The following NIPA2 variants were observed in gnomAD, a reference collection of about 807,000 sequenced individuals.
NIPA2 encodes NIPA magnesium transporter 2.
Under a neutral mutation model 29.7 loss-of-function variants are expected in NIPA2, and 11 were observed. The observed-to-expected ratio is 0.37, with a 90% CI of 0.23 to 0.61. The LOEUF (loss-of-function observed/expected upper bound fraction) is 0.61, where lower values mean the gene tolerates loss of function less well. Among genes scored for constraint, NIPA2 ranks in the 20% least tolerant of loss-of-function variants. The pLI, the probability that NIPA2 is intolerant of heterozygous loss-of-function variation, is 0.66. For missense variants in NIPA2, 426 were observed against 437.9 expected (o/e 0.97, Z 0.24); for synonymous variants, 183 against 161.9 (o/e 1.13, Z -0.99).
chr15:22,866,242 A>C lies in NIPA2; in HGVS notation c.478A>C (p.Ile160Leu). The part of the protein sequence containing the change: ...GFVVFATLVV[I>L]VALILIFVVG... ...TGTGGTCTTTGCAACCCTTGTGGTC[A>C]TTGTGGCCTTGATATTAATCTTCGT... is the stretch of plus-strand genomic sequence containing the variant. Residue 160 changes from isoleucine (I) to leucine (L), a missense_variant, in exon 8 of 8, where the codon ATT (isoleucine) becomes CTT (leucine). Physicochemically the swap from Ile to Leu is conservative, Grantham distance 5. Coordinates refer to ENST00000337451, the MANE Select transcript of NIPA2 (RefSeq NM_030922.7). 2 of 1,613,798 alleles carry C rather than the reference A, an allele frequency of 1.2e-6. No homozygotes were observed. The highest frequency in any genetic ancestry group is 2.2e-5 in the South Asian group (2 of 91,078).
intron 2 of NIPA2, among the ~76,000 whole-genome samples, chr15:22,843,584 A>G (rs1897748312): frequency 6.6e-6 from 1 of 151,740 alleles, no homozygotes; most frequent in Admixed American, 6.6e-5. Flanking sequence ...GGCTTTGTTG[A>G]AATGTCAAAA....
chr15:22,848,951 A>G (rs1566831161), intron 3 of NIPA2, among the ~76,000 whole-genome samples: 1 of 152,052 alleles, frequency 6.6e-6, no homozygotes, highest in Admixed American at 6.6e-5. Flanking sequence ...GGCGAATATC[A>G]TGCAGGAGCC....
chr15:22,867,006 T>TAAAC lies in NIPA2; in HGVS notation c.*166_*169dup, dbSNP rs538797119. On this transcript the variant is annotated 3_prime_UTR_variant, in exon 8 of 8. Transcript: ENST00000337451. ...ACCAAGAAATTACTTTTCTTGTATT[T>TAAAC]AAACAAACAATGGTAGCTCACTAAA... The TAAAC allele has an allele frequency of 1.5e-3, 988 of 667,566 alleles. 10 individuals are homozygous for TAAAC. In the African/African-American group the frequency reaches 0.015, roughly 10 times the overall value. The allele number at this position is 667,566 out of a possible 1,614,324, so 41.4% of individuals were successfully genotyped here. A position where few individuals can be genotyped will look rare whatever the true frequency, so the allele number is the denominator to read the frequency against.
intron 2 of NIPA2, among the ~76,000 whole-genome samples, chr15:22,842,061 A>G (rs989531561): frequency 6.6e-6 from 1 of 152,144 alleles, no homozygotes; most frequent in East Asian, 1.9e-4. Context: ...ATTTTTTACC[A>G]TAACATTTGC....
In NIPA2 at chr15:22,866,372, T is replaced by A; in HGVS notation, c.608T>A (p.Ile203Asn). 6.2e-7 allele frequency: 1 copy of A among 1,614,124 alleles called. No homozygotes were observed. The highest frequency in any genetic ancestry group is 8.5e-7 in the Non-Finnish European group (1 of 1,179,986). ...VSCVKGLGIAIKELFAGKPVL... is the reference protein window; with the variant it reads ...VSCVKGLGIANKELFAGKPVL... ...TGTGTGAAGGGCCTGGGCATTGCTA[T>A]CAAGGAGCTGTTTGCAGGGAAGCCT... The change falls in exon 8 of 8, where the codon ATC becomes AAC. Residue 203 changes from isoleucine (I) to asparagine (N), a missense_variant. Ile to Asn is a moderately radical substitution (Grantham distance 149). Around this residue, in one of 3 missense-constraint regions of NIPA2, gnomAD observed 357 missense variants for 339.8 expected, o/e 1.05. Transcript: ENST00000337451.
intron 7 of NIPA2, among the ~76,000 whole-genome samples, chr15:22,865,347 G>T (rs111992701): frequency 2.6e-5 from 4 of 151,896 alleles, no homozygotes; most frequent in African/African-American, 9.7e-5. Flanking sequence ...TTAGCTGGGC[G>T]TGTTGGCGGG....
chr15:22,860,749 T>G lies in NIPA2; in HGVS notation c.408T>G (p.Ile136Met). 2 of 1,601,408 alleles carry G rather than the reference T, an allele frequency of 1.2e-6. No homozygotes were observed. The highest frequency in any genetic ancestry group is 1.7e-6 in the Non-Finnish European group (2 of 1,176,514). The part of the protein sequence containing the change: ...MVIHAPKEEE[I>M]ETLNEMSHKL... ...TTCATGCTCCAAAGGAAGAGGAGAT[T>G]GAGACTTTAAATGAAATGTCTCACA... Residue 136 changes from isoleucine to methionine, a missense_variant, in exon 7 of 8, where the codon ATT becomes ATG. Physicochemically the swap from Ile to Met is conservative, Grantham distance 10 (BLOSUM62 1). Coordinates refer to ENST00000337451, the MANE Select transcript of NIPA2 (RefSeq NM_030922.7).
At chr15:22,850,932 T>G (rs986785353) in intron 3 of NIPA2, among the ~76,000 whole-genome samples, 1 of 152,206 alleles carries the variant, frequency 6.6e-6, no homozygotes, top group African/African-American at 2.4e-5. Context: ...ATCCACACTG[T>G]GCTTTAGTTC....
intron 3 of NIPA2, among the ~76,000 whole-genome samples, chr15:22,846,818 A>AATTAATCATAATAAT (rs34966379): frequency 7.4e-6 from 1 of 135,854 alleles, no homozygotes; most frequent in Non-Finnish European, 1.6e-5. Context: ...CCTGTCTCCA[A>AATTAATCATAATAAT]AATAATAATA....
intron 5 of NIPA2, among the ~76,000 whole-genome samples, chr15:22,853,895 T>C (rs896714679): frequency 6.6e-6 from 1 of 152,122 alleles, no homozygotes; most frequent in Non-Finnish European, 1.5e-5. Flanking sequence ...GTGGCCCATC[T>C]CGGCTCACTG....
At chr15:22,860,810 G>A in intron 7 of NIPA2, 21 bp downstream of exon 7, 1 of 1,549,564 alleles carries the variant, frequency 6.5e-7, no homozygotes, top group African/African-American at 1.4e-5. Context: ...AGTCTTATTA[G>A]TCTTACTGTA....
chr15:22,841,052 C>T (rs1896963717), intron 2 of NIPA2, among the ~76,000 whole-genome samples: 1 of 151,894 alleles, frequency 6.6e-6, no homozygotes, highest in Non-Finnish European at 1.5e-5. Flanking sequence ...ATTTAGGTCA[C>T]AGGATACAAA....
chr15:22,865,899 T>C (rs1211163883), intron 7 of NIPA2, among the ~76,000 whole-genome samples: 2 of 152,176 alleles, frequency 1.3e-5, no homozygotes, highest in Non-Finnish European at 2.9e-5. Context: ...TTCTCCTCCC[T>C]AGTTTCTGTG....
chr15:22,843,251 TC>T (rs1897620089), intron 2 of NIPA2, among the ~76,000 whole-genome samples: 2 of 152,064 alleles, frequency 1.3e-5, no homozygotes, highest in South Asian at 4.1e-4. Context: ...ACGCCTGTAA[TC>T]CCAGCACTTT....
At chr15:22,855,034 A>G (rs1192622597) in intron 5 of NIPA2, among the ~76,000 whole-genome samples, 1 of 152,166 alleles carries the variant, frequency 6.6e-6, no homozygotes, top group Non-Finnish European at 1.5e-5. Flanking sequence ...AAAAAGAGGT[A>G]TGTATTTGAT....
rs573006505 is a variant in NIPA2 at position 22,858,537 on chromosome 15, A to C, written c.197-3A>C. 3.7e-6 allele frequency: 6 copies of C among 1,600,520 alleles called. No homozygotes were observed. In the East Asian group the frequency reaches 1.1e-4, roughly 30 times the overall value. ...AGTTTTTCTTTTGTTGTCTGTCTCTAAGTGGGAGCTGGTGAGGTGGCCAAC... is the reference window on the plus strand; with the variant it reads ...AGTTTTTCTTTTGTTGTCTGTCTCTCAGTGGGAGCTGGTGAGGTGGCCAAC... On this transcript the variant is annotated splice_polypyrimidine_tract_variant and splice_region_variant and intron_variant, in intron 5 of 7. Transcript: ENST00000337451.
intron 6 of NIPA2, among the ~76,000 whole-genome samples, chr15:22,860,148 A>G (rs187117535): frequency 1.1e-4 from 16 of 151,770 alleles, no homozygotes; most frequent in Admixed American, 3.9e-4. Flanking sequence ...CCTCCCGAGT[A>G]GCTGGGATTA....
chr15:22,845,987 G>C (rs1898518131), intron 3 of NIPA2, among the ~76,000 whole-genome samples: 1 of 152,104 alleles, frequency 6.6e-6, no homozygotes, highest in Admixed American at 6.5e-5. Context: ...ATGTTCATTG[G>C]CCTTAGGATT....
In NIPA2 at chr15:22,867,432, G is replaced by A; in HGVS notation, c.*585G>A. The A allele has an allele frequency of 5.5e-6, 2 of 366,412 alleles. No homozygotes were observed. The highest frequency in any genetic ancestry group is 4.6e-5 in the Admixed American group (1 of 21,778). The allele number at this position is 366,412 out of a possible 1,614,324, so 22.7% of individuals were successfully genotyped here. A position where few individuals can be genotyped will look rare whatever the true frequency, so the allele number is the denominator to read the frequency against. On this transcript the variant is annotated 3_prime_UTR_variant, in exon 8 of 8. Coordinates refer to ENST00000337451, the MANE Select transcript of NIPA2 (RefSeq NM_030922.7). ...ATCACCCCAAGGAACGATTTCTCAG[G>A]TTGAGATGATCACCGTGAATCCGGC... is the stretch of plus-strand genomic sequence containing the variant.
Sources: gnomAD v4.1 joint callset for allele counts (sites outside exome capture counted in the v4.1 genomes callset) on GRCh38, gnomAD v4.1.1 for gene constraint, gnomAD v4.1.1 regional missense constraint, MANE v1.5 for transcripts, NCBI Gene and HGNC (gene_info 2026-07-23, HGNC 2026-07-21) for gene names.